Variants in GSG1L2 observed in about 807,000 individuals in gnomAD.
GSG1L2 encodes the protein GSG1 like 2.
GSG1L2 carries 15 observed loss-of-function variants against 9.0 expected under a neutral mutation model. The ratio of observed to expected loss-of-function variants is 1.67; its 90% confidence interval spans 1.12 to 2.57. The LOEUF (loss-of-function observed/expected upper bound fraction) is 2.57. Ranked by LOEUF, GSG1L2 falls within the 30% of genes most tolerant of loss-of-function variation. The probability of loss-of-function intolerance (pLI) is 0.00; values close to 1 mark genes in which losing one functional copy is unlikely to be tolerated. For synonymous variants in GSG1L2, 127 were observed against 57.9 expected (o/e 2.19, Z -5.41); for missense variants, 286 against 150.3 (o/e 1.90, Z -4.72).
intron 1 of GSG1L2, 158 bp from the exon 2 acceptor site, chr17:9,810,776 A>G (rs1438999739): frequency 1.9e-5 from 12 of 625,830 alleles, no homozygotes; most frequent in Non-Finnish European, 3.4e-5. Flanking sequence ...GGAGCCTGAT[A>G]TAATCCACCC....
chr17:9,818,712 C>T lies in GSG1L2; in HGVS notation c.310+3050G>A, dbSNP rs150201577. 7.0e-4 allele frequency among the ~76,000 whole-genome samples: 106 copies of T among 152,090 alleles called. 1 individual carries two copies. Among genetic ancestry groups the T allele is most frequent in the African/African-American group, 2.2e-3 (93 of 41,518 alleles). Reference sequence around the variant, plus strand: ...TATTGCAAGGACAGCACCAAAAGAACAGGGCTAAACTATTCGTGGTAAATC... The same window carrying T: ...TATTGCAAGGACAGCACCAAAAGAATAGGGCTAAACTATTCGTGGTAAATC... On this transcript the variant is annotated intron_variant, in intron 1 of 4. Coordinates refer to ENST00000399363, the MANE Select transcript of GSG1L2 (RefSeq NM_001310219.2).
intron 4 of GSG1L2, among the ~76,000 whole-genome samples, 183 bp downstream of exon 4, chr17:9,807,307 A>G (rs866679779): frequency 3.3e-5 from 5 of 152,262 alleles, no homozygotes; most frequent in South Asian, 2.1e-4. Context: ...CATTTGAGGC[A>G]GGTATCCTCA....
At chr17:9,810,898 C>A (rs1281915154) in intron 1 of GSG1L2, 2 of 462,962 alleles carry the variant, frequency 4.3e-6, no homozygotes, top group Non-Finnish European at 7.7e-6. Context: ...GGTTCCTGTT[C>A]CCTTGCTCTG....
chr17:9,809,756 A>G (rs1053902226), intron 2 of GSG1L2: 2 of 152,334 alleles, frequency 1.3e-5, no homozygotes, highest in African/African-American at 2.4e-5. Context: ...TGTAAGACAG[A>G]AAAGTTCCCC....
intron 3 of GSG1L2, among the ~76,000 whole-genome samples, chr17:9,808,299 TA>T (rs982169268): frequency 1.3e-5 from 2 of 151,792 alleles, no homozygotes; most frequent in East Asian, 3.9e-4. Context: ...GAAGTAGATC[TA>T]AAAAAAAGGA....
intron 3 of GSG1L2, 186 bp from the exon 4 acceptor site, chr17:9,807,787 G>A (rs3848437): frequency 0.88 from 491,657 of 557,414 alleles, 217,292 homozygotes; most frequent in East Asian, 0.96. Flanking sequence ...AGAGACATCC[G>A]GAAAGACACA....
At chr17:9,803,112 T>C (rs1205549813) in intron 4 of GSG1L2, among the ~76,000 whole-genome samples, 2 of 107,078 alleles carry the variant, frequency 1.9e-5, no homozygotes, top group Non-Finnish European at 3.8e-5. Context: ...TTTTTTTTTT[T>C]TTTTTTTTTG....
intron 1 of GSG1L2, among the ~76,000 whole-genome samples, chr17:9,816,910 CTGTGTG>C (rs56337214): frequency 4.2e-4 from 40 of 94,478 alleles, no homozygotes; most frequent in African/African-American, 1.3e-3. Flanking sequence ...GTGTGTGTAT[CTGTGTG>C]TGTGTGTGTG....
Position 9,820,034 on chromosome 17 carries a change from G to T in GSG1L2, c.310+1728C>A, listed in dbSNP as rs1373204306. On this transcript the variant is annotated intron_variant, in intron 1 of 4. Transcript: ENST00000399363. The surrounding 1 kb of genome is among the most constrained non-coding windows in gnomAD (Gnocchi z 4.9). ...AAACCCAGGAGGTGGAAGTTGCAGT[G>T]AGCTGAGATTGCGCCGTTGCAATCC... Among the ~76,000 whole-genome samples, 1 of 151,988 alleles carries T rather than the reference G, an allele frequency of 6.6e-6. No homozygotes were observed. Among genetic ancestry groups the T allele is most frequent in the Non-Finnish European group, 1.5e-5 (1 of 68,010 alleles).
chr17:9,809,189 A>T, intron 2 of GSG1L2: 1 of 528,320 alleles, frequency 1.9e-6, no homozygotes, highest in Non-Finnish European at 3.4e-6. Context: ...GATTGCCCGT[A>T]GCTGAACGGG....
chr17:9,814,065 G>A (rs545939322), intron 1 of GSG1L2, among the ~76,000 whole-genome samples: 1 of 151,770 alleles, frequency 6.6e-6, no homozygotes, highest in African/African-American at 2.4e-5. Context: ...CTCCCAAGTA[G>A]CTGGGATTAC....
chr17:9,816,608 GTGTCTGTGTGTC>G (rs1465484088), intron 1 of GSG1L2, among the ~76,000 whole-genome samples: 2 of 36,810 alleles, frequency 5.4e-5, no homozygotes, highest in Non-Finnish European at 9.4e-5. Context: ...GTGTCTGTGT[GTGTCTGTGTGTC>G]TGTTTTGCAT....
Position 9,802,934 on chromosome 17 carries a change from C to T in GSG1L2, c.624-290G>A, listed in dbSNP as rs536502071. On this transcript the variant is annotated intron_variant, in intron 4 of 4. Coordinates refer to ENST00000399363, the MANE Select transcript of GSG1L2 (RefSeq NM_001310219.2). Reference sequence around the variant, plus strand: ...TACCTCTTTGAATCAGTTCCCTCATCTGCAAAGCTGGAATAATATTAATGC... The same window carrying T: ...TACCTCTTTGAATCAGTTCCCTCATTTGCAAAGCTGGAATAATATTAATGC... Among the ~76,000 whole-genome samples, 7 of 152,250 alleles carry T rather than the reference C, an allele frequency of 4.6e-5. No homozygotes were observed. The East Asian group carries it at 1.4e-3, about 29-fold the overall frequency.
At chr17:9,811,854 C>T (rs972332187) in intron 1 of GSG1L2, among the ~76,000 whole-genome samples, 22 of 152,122 alleles carry the variant, frequency 1.4e-4, no homozygotes, top group Admixed American at 9.8e-4. Flanking sequence ...GGAAAGGTGC[C>T]GGGGGTGCAA....
chr17:9,808,166 T>G (rs2066523251), intron 3 of GSG1L2, among the ~76,000 whole-genome samples: 1 of 152,170 alleles, frequency 6.6e-6, no homozygotes, highest in Non-Finnish European at 1.5e-5. Flanking sequence ...GAACTTAACA[T>G]GAGTAACTTT....
At position 9,801,668 on chromosome 17, in the gene GSG1L2, T is replaced by C. The variant is rs2066497279; in HGVS notation, c.*718A>G. Among the ~76,000 whole-genome samples the C allele has an allele frequency of 6.6e-6, 1 of 152,202 alleles. No individual in the cohort carries two copies. Among genetic ancestry groups the C allele is most frequent in the African/African-American group, 2.4e-5 (1 of 41,442 alleles). ...CTGCCTCCAACAAGACCTGCATGTTTGGTAATGTTTATTTTTAGAAGCAAA... is the reference window on the plus strand; with the variant it reads ...CTGCCTCCAACAAGACCTGCATGTTCGGTAATGTTTATTTTTAGAAGCAAA... On this transcript the variant is annotated 3_prime_UTR_variant, in exon 5 of 5. Coordinates refer to ENST00000399363, the MANE Select transcript of GSG1L2 (RefSeq NM_001310219.2).
intron 2 of GSG1L2, chr17:9,810,315 A>G (rs1309841517): frequency 3.6e-6 from 2 of 556,420 alleles, no homozygotes; most frequent in African/African-American, 3.8e-5. Flanking sequence ...TGGTGGGAAT[A>G]TTTACACCAT....
chr17:9,809,815 G>A (rs2066532506), intron 2 of GSG1L2: 1 of 152,262 alleles, frequency 6.6e-6, no homozygotes, highest in Admixed American at 6.5e-5. Context: ...CTCTCACCAT[G>A]ATGTTTTGAT....
In GSG1L2 at chr17:9,812,612, C is replaced by G. The variant is rs368254456; in HGVS notation, c.311-1994G>C. 4.6e-5 allele frequency among the ~76,000 whole-genome samples: 7 copies of G among 152,096 alleles called. No individual in the cohort carries two copies. The East Asian group carries it at 1.3e-3, about 29-fold the overall frequency. On this transcript the variant is annotated intron_variant, in intron 1 of 4. Coordinates refer to ENST00000399363, the MANE Select transcript of GSG1L2 (RefSeq NM_001310219.2). ...TCTGGTGAGGGCCCTCTTCCAGGTG[C>G]AGAGAGCTTCTTTCATTTTTTTTAT...
Sources: gnomAD v4.1 joint callset for allele counts (sites outside exome capture counted in the v4.1 genomes callset) on GRCh38, gnomAD v4.1.1 for gene constraint, Gnocchi (gnomAD v3.1) non-coding constraint, MANE v1.5 for transcripts, NCBI Gene and HGNC (gene_info 2026-07-23, HGNC 2026-07-21) for gene names.